SLC39A11: variants seen among roughly 807,000 people sequenced by gnomAD.
SLC39A11 encodes the protein zinc transporter ZIP11.
In SLC39A11, 33 loss-of-function variants were observed where a neutral mutation model predicts 36.1. That is an observed-to-expected ratio of 0.91 (90% CI 0.69 to 1.22). The LOEUF is 1.22. SLC39A11 is among the 50% of genes most tolerant of loss of function. SLC39A11 has a pLI of 0.00. For synonymous variants in SLC39A11, 166 were observed against 170.3 expected (o/e 0.97, Z 0.20); for missense variants, 432 against 430.3 (o/e 1.00, Z -0.03).
intron 5 of SLC39A11, among the ~76,000 whole-genome samples, chr17:72,853,408 C>T (rs1238301401): frequency 6.6e-6 from 1 of 152,022 alleles, no homozygotes; most frequent in African/African-American, 2.4e-5. Flanking sequence ...GCTAAACACA[C>T]ACTCTAACAA....
chr17:72,698,680 T>A (rs2072438604), intron 7 of SLC39A11, among the ~76,000 whole-genome samples: 1 of 152,154 alleles, frequency 6.6e-6, no homozygotes, highest in Non-Finnish European at 1.5e-5. Flanking sequence ...TATTTATTTG[T>A]GCCATATATT....
At chr17:73,081,636 C>T (rs987941528) in intron 3 of SLC39A11, among the ~76,000 whole-genome samples, 317 of 24,378 alleles carry the variant, frequency 0.013, no homozygotes, top group African/African-American at 0.038. Flanking sequence ...TATACATACA[C>T]ACACACACAC....
intron 3 of SLC39A11, among the ~76,000 whole-genome samples, chr17:73,078,472 CT>C (rs750616132): frequency 4.7e-5 from 7 of 149,024 alleles, no homozygotes; most frequent in Non-Finnish European, 7.4e-5. Context: ...TTTCATTAGT[CT>C]TTTGTTTGTT....
intron 5 of SLC39A11, among the ~76,000 whole-genome samples, chr17:72,901,685 C>T (rs1166862408): frequency 1.3e-5 from 2 of 152,200 alleles, no homozygotes; most frequent in Non-Finnish European, 2.9e-5. Flanking sequence ...GAATGCCTAA[C>T]ACCCATTAAG....
chr17:72,683,830 A>G (rs1275237057), intron 7 of SLC39A11, among the ~76,000 whole-genome samples: 1 of 151,544 alleles, frequency 6.6e-6, no homozygotes, highest in East Asian at 1.9e-4. Context: ...CTGGGACTCC[A>G]TCACTTACAT....
At chr17:72,732,294 G>A (rs907824554) in intron 7 of SLC39A11, among the ~76,000 whole-genome samples, 1 of 152,064 alleles carries the variant, frequency 6.6e-6, no homozygotes. Flanking sequence ...GATTATAGGC[G>A]TGAGCCACGG....
chr17:73,014,922 G>A (rs893896991), intron 4 of SLC39A11, among the ~76,000 whole-genome samples: 3 of 151,974 alleles, frequency 2.0e-5, no homozygotes, highest in African/African-American at 4.8e-5. Context: ...CCTCCATCCC[G>A]CCCCTGAGCC....
At chr17:73,015,169 T>C (rs2090740849) in intron 4 of SLC39A11, among the ~76,000 whole-genome samples, 1 of 152,200 alleles carries the variant, frequency 6.6e-6, no homozygotes, top group African/African-American at 2.4e-5. Flanking sequence ...TACTGTTTTT[T>C]CTTCCTCCAT....
chr17:72,676,128 T>C (rs1428584835), intron 7 of SLC39A11, among the ~76,000 whole-genome samples: 1 of 152,048 alleles, frequency 6.6e-6, no homozygotes, highest in Non-Finnish European at 1.5e-5. Flanking sequence ...CAACTCTCTT[T>C]TTTTCAAATA....
chr17:72,676,118 C>T (rs943646457), intron 7 of SLC39A11, among the ~76,000 whole-genome samples: 5 of 150,026 alleles, frequency 3.3e-5, no homozygotes, highest in Non-Finnish European at 5.9e-5. Context: ...TGTATTAAAG[C>T]AACTCTCTTT....
chr17:73,086,558 A>T (rs1320613819), intron 2 of SLC39A11, among the ~76,000 whole-genome samples: 1 of 152,180 alleles, frequency 6.6e-6, no homozygotes, highest in African/African-American at 2.4e-5. Context: ...GATGGTGCAC[A>T]CCTGTAATCC....
chr17:72,928,833 C>T (rs1333098889), intron 5 of SLC39A11, among the ~76,000 whole-genome samples: 2 of 152,226 alleles, frequency 1.3e-5, no homozygotes, highest in Non-Finnish European at 2.9e-5. Flanking sequence ...TGGACCCTGA[C>T]AAAACCACAG....
intron 3 of SLC39A11, among the ~76,000 whole-genome samples, chr17:73,053,704 C>T (rs2059580309): frequency 6.6e-6 from 1 of 152,116 alleles, no homozygotes. Flanking sequence ...CTTTATAATG[C>T]CAGAATACAT....
intron 6 of SLC39A11, among the ~76,000 whole-genome samples, chr17:72,770,332 G>C (rs1468991180): frequency 6.6e-6 from 1 of 152,214 alleles, no homozygotes; most frequent in Non-Finnish European, 1.5e-5. Flanking sequence ...AATGAAGTTG[G>C]TGTCTCATGG....
At chr17:73,004,665 A>C (rs2090084408) in intron 4 of SLC39A11, among the ~76,000 whole-genome samples, 1 of 152,236 alleles carries the variant, frequency 6.6e-6, no homozygotes, top group Non-Finnish European at 1.5e-5. Flanking sequence ...ATTTGAAGTT[A>C]AAGCGTAAGA....
chr17:72,898,670 T>A (rs998164112), intron 5 of SLC39A11, among the ~76,000 whole-genome samples: 1 of 152,236 alleles, frequency 6.6e-6, no homozygotes, highest in Non-Finnish European at 1.5e-5. Context: ...CATATATGCA[T>A]GCACATACAT....
At chr17:72,663,628 G>C (rs1218197649) in intron 7 of SLC39A11, among the ~76,000 whole-genome samples, 2 of 152,180 alleles carry the variant, frequency 1.3e-5, no homozygotes, top group Non-Finnish European at 2.9e-5. Context: ...GATCGCCTGG[G>C]GGTCTGAATG....
intron 3 of SLC39A11, among the ~76,000 whole-genome samples, chr17:73,076,503 G>A (rs1023300462): frequency 1.3e-5 from 2 of 152,168 alleles, no homozygotes; most frequent in African/African-American, 4.8e-5. Context: ...ATACATAAAT[G>A]TATACAAACC....
intron 5 of SLC39A11, among the ~76,000 whole-genome samples, chr17:72,870,049 C>T (rs1285081081): frequency 6.6e-6 from 1 of 150,398 alleles, no homozygotes; most frequent in Non-Finnish European, 1.5e-5. Flanking sequence ...TTTTGTTTAG[C>T]ATAACCTGTA....
Sources: gnomAD v4.1 joint callset for allele counts (sites outside exome capture counted in the v4.1 genomes callset) on GRCh38, gnomAD v4.1.1 for gene constraint, MANE v1.5 for transcripts, NCBI Gene and HGNC (gene_info 2026-07-23, HGNC 2026-07-21) for gene names.